C21orf91: variants seen among roughly 807,000 people sequenced by gnomAD.
C21orf91 encodes the protein protein EURL homolog.
In C21orf91, 26 loss-of-function variants were observed where a neutral mutation model predicts 32.9. That is an observed-to-expected ratio of 0.79 (90% CI 0.58 to 1.10). C21orf91 has a LOEUF of 1.10. C21orf91 is among the 50% of genes least tolerant of loss of function. The probability of loss-of-function intolerance (pLI) is 0.00; values close to 1 mark genes in which losing one functional copy is unlikely to be tolerated. For synonymous variants in C21orf91, 126 were observed against 120.4 expected (o/e 1.05, Z -0.31); for missense variants, 310 against 341.3 (o/e 0.91, Z 0.72).
rs2062470258 is a variant in C21orf91, at chr21:17,791,114, G to C, written c.*2301C>G. The C allele has an allele frequency of 6.6e-6, 1 of 152,094 alleles. No individual in the cohort carries two copies. The highest frequency in any genetic ancestry group is 2.4e-5 in the African/African-American group (1 of 41,426). 9.4% of individuals were successfully genotyped at this position (152,094 alleles called of 1,614,324 possible). A position where few individuals can be genotyped will look rare whatever the true frequency, so the allele number is the denominator to read the frequency against. ...CCTGATACTTATATTTGCATACACA[G>C]TAATTGCATATTTGATTAAGAAAAC... On this transcript the variant is annotated 3_prime_UTR_variant, in exon 5 of 5. Transcript: ENST00000284881.
intron 2 of C21orf91, among the ~76,000 whole-genome samples, chr21:17,807,114 G>A (rs2062601601): frequency 6.6e-6 from 1 of 152,120 alleles, no homozygotes; most frequent in South Asian, 2.1e-4. Flanking sequence ...CTGTGTAGTA[G>A]AAATAAAATT....
chr21:17,797,175 T>C, intron 2 of C21orf91, 57 bp from the exon 3 acceptor site: 1 of 1,087,614 alleles, frequency 9.2e-7, no homozygotes, highest in South Asian at 1.6e-5. Context: ...TATAAGTCAC[T>C]TTAAGAACAT....
chr21:17,811,163 G>A (rs974587421), intron 2 of C21orf91, among the ~76,000 whole-genome samples: 4 of 152,218 alleles, frequency 2.6e-5, no homozygotes, highest in East Asian at 1.9e-4. Context: ...TGGAATCAGA[G>A]ACCCTTGGTC....
chr21:17,812,739 G>A (rs1004614359), intron 2 of C21orf91, among the ~76,000 whole-genome samples: 12 of 152,068 alleles, frequency 7.9e-5, no homozygotes, highest in African/African-American at 2.7e-4. Flanking sequence ...AACCTGGGAG[G>A]CGGAGCTTGC....
chr21:17,808,518 G>A (rs540812685), intron 2 of C21orf91, among the ~76,000 whole-genome samples: 51 of 152,334 alleles, frequency 3.3e-4, no homozygotes, highest in East Asian at 1.5e-3. Flanking sequence ...GAGGGTCACC[G>A]TCCTCCAGAC....
Position 17,792,507 on chromosome 21 carries a change from A to G in C21orf91, c.*908T>C, listed in dbSNP as rs2062483753. The G allele has an allele frequency of 6.6e-6, 1 of 152,090 alleles. No individual in the cohort carries two copies. Among genetic ancestry groups the G allele is most frequent in the Non-Finnish European group, 1.5e-5 (1 of 67,996 alleles). 9.4% of individuals were successfully genotyped at this position (152,090 alleles called of 1,614,324 possible). A position where few individuals can be genotyped will look rare whatever the true frequency, so the allele number is the denominator to read the frequency against. On this transcript the variant is annotated 3_prime_UTR_variant, in exon 5 of 5. Transcript: ENST00000284881. ...TTTTTCAAAGACAGAACAATTTCAC[A>G]GCACACTCAATTTGAAGATAGACAT...
At chr21:17,818,677 T>C (rs548475401) in intron 1 of C21orf91, among the ~76,000 whole-genome samples, 21 of 152,246 alleles carry the variant, frequency 1.4e-4, no homozygotes, top group Non-Finnish European at 2.8e-4. Context: ...CGAGGCCTTT[T>C]CAGCTACCAG....
Position 17,810,750 on chromosome 21 carries a change from G to A in C21orf91, c.127+7442C>T, listed in dbSNP as rs548007836. 6 of 152,288 alleles carry A rather than the reference G, an allele frequency of 3.9e-5. No homozygotes were observed. In the East Asian group the frequency reaches 1.2e-3, roughly 29 times the overall value. 9.4% of individuals were successfully genotyped at this position (152,288 alleles called of 1,614,324 possible). A position where few individuals can be genotyped will look rare whatever the true frequency, so the allele number is the denominator to read the frequency against. Reference sequence around the variant, plus strand: ...CATCTGCATGGTTCTTCTGGGTAAGGACCAGCAACAAGACTGTCTTGTGTG... The same window carrying A: ...CATCTGCATGGTTCTTCTGGGTAAGAACCAGCAACAAGACTGTCTTGTGTG... On this transcript the variant is annotated intron_variant, in intron 2 of 4. Coordinates refer to ENST00000284881, the MANE Select transcript of C21orf91 (RefSeq NM_001100420.2).
intron 2 of C21orf91, among the ~76,000 whole-genome samples, chr21:17,812,546 A>G (rs1357535555): frequency 6.6e-6 from 1 of 152,208 alleles, no homozygotes; most frequent in Non-Finnish European, 1.5e-5. Context: ...GCGGTGGCTC[A>G]CGCCTGTAAT....
intron 2 of C21orf91, chr21:17,810,654 G>A (rs2062626724): frequency 6.6e-6 from 1 of 152,196 alleles, no homozygotes; most frequent in Non-Finnish European, 1.5e-5. Context: ...GGATAAATAT[G>A]CTAGTCTGCC....
At chr21:17,796,555 T>C in intron 3 of C21orf91, 27 bp downstream of exon 3, 1 of 1,574,932 alleles carries the variant, frequency 6.3e-7, no homozygotes, top group Non-Finnish European at 8.6e-7. Context: ...ACCACCCAAC[T>C]TTTACTTTTC....
intron 2 of C21orf91, among the ~76,000 whole-genome samples, chr21:17,815,559 TTA>T (rs2062659912): frequency 6.6e-6 from 1 of 151,686 alleles, no homozygotes; most frequent in African/African-American, 2.4e-5. Context: ...GTAATTATTA[TTA>T]TGACTTTTTT....
chr21:17,804,557 C>A (rs2062582965), intron 2 of C21orf91, among the ~76,000 whole-genome samples: 1 of 152,214 alleles, frequency 6.6e-6, no homozygotes, highest in African/African-American at 2.4e-5. Flanking sequence ...ATATTGGCAA[C>A]CACATGAAGC....
chr21:17,815,417 T>G (rs918094943), intron 2 of C21orf91, among the ~76,000 whole-genome samples: 3 of 152,186 alleles, frequency 2.0e-5, no homozygotes, highest in Non-Finnish European at 4.4e-5. Flanking sequence ...TAAATGTCAT[T>G]TTTAAAAAGC....
intron 2 of C21orf91, among the ~76,000 whole-genome samples, chr21:17,803,533 A>T (rs1158333281): frequency 6.6e-6 from 1 of 152,102 alleles, no homozygotes. Flanking sequence ...AAGAAAAAAA[A>T]GTTTTTTATG....
At chr21:17,818,462 C>T (rs185042576) in intron 1 of C21orf91, 137 bp from the exon 2 acceptor site, 2 of 684,194 alleles carry the variant, frequency 2.9e-6, no homozygotes, top group Non-Finnish European at 5.0e-6. Context: ...ACAAGCATCG[C>T]CATACTTGCA....
In C21orf91 at chr21:17,796,729, A is replaced by G. The variant is rs761144724; in HGVS notation, c.517T>C (p.Ser173Pro). The G allele has an allele frequency of 1.9e-6, 3 of 1,614,158 alleles. No individual in the cohort carries two copies. The highest frequency in any genetic ancestry group is 3.3e-4 in the Middle Eastern group (2 of 6,060). Reference protein sequence around the residue: ...EQRENTDFGLSMLQDSGATLC... With the variant: ...EQRENTDFGLPMLQDSGATLC... ...GTGGCACCTGAATCTTGTAACATAG[A>G]AAGTCCAAAGTCTGTATTTTCCCTC... Residue 173 changes from serine to proline, a missense_variant, in exon 3 of 5, where the codon TCT becomes CCT. Transcript: ENST00000284881.
chr21:17,816,757 A>C (rs2146265277), intron 2 of C21orf91, among the ~76,000 whole-genome samples: 1 of 152,344 alleles, frequency 6.6e-6, no homozygotes, highest in Admixed American at 6.5e-5. Context: ...GCTTGCCATC[A>C]CCACTACAGC....
At chr21:17,804,404 A>C (rs552146522) in intron 2 of C21orf91, among the ~76,000 whole-genome samples, 1 of 152,236 alleles carries the variant, frequency 6.6e-6, no homozygotes, top group Non-Finnish European at 1.5e-5. Flanking sequence ...ACTGTGATAA[A>C]GAGTACCTCA....
Sources: gnomAD v4.1 joint callset for allele counts (sites outside exome capture counted in the v4.1 genomes callset) on GRCh38, gnomAD v4.1.1 for gene constraint, MANE v1.5 for transcripts, NCBI Gene and HGNC (gene_info 2026-07-23, HGNC 2026-07-21) for gene names.